Variants in SEL1L2 observed in about 807,000 individuals in gnomAD.
The protein encoded by SEL1L2 is protein sel-1 homolog 2.
A neutral mutation model predicts 98.8 loss-of-function variants in SEL1L2; 89 were observed. The ratio of observed to expected loss-of-function variants is 0.90; its 90% confidence interval spans 0.76 to 1.07. The LOEUF (loss-of-function observed/expected upper bound fraction) is 1.07, where lower values mean the gene tolerates loss of function less well. Ranked by LOEUF, SEL1L2 falls within the 50% of genes least tolerant of loss-of-function variation. SEL1L2 has a pLI of 0.00. For missense variants in SEL1L2, 788 were observed against 812.0 expected (o/e 0.97, Z 0.36); for synonymous variants, 262 against 278.5 (o/e 0.94, Z 0.59).
At chr20:13,855,656 C>CCTT (rs1272836605) in intron 18 of SEL1L2, among the ~76,000 whole-genome samples, 2 of 152,222 alleles carry the variant, frequency 1.3e-5, no homozygotes, top group Non-Finnish European at 2.9e-5. Context: ...GGGCCAAACT[C>CCTT]CTTCCATCAC....
rs201053413 is a variant in SEL1L2 at position 13,946,152 on chromosome 20, G to A, written c.114+9924C>T. Among the ~76,000 whole-genome samples the A allele has an allele frequency of 3.9e-5, 6 of 151,914 alleles. No homozygotes were observed. In the East Asian group the frequency reaches 1.2e-3, roughly 29 times the overall value. Reference sequence around the variant, plus strand: ...CAATTAGGAAATAAATTTATCTAGGGAAAAGTTATAAAAAAAAAGTTATCC... The same window carrying A: ...CAATTAGGAAATAAATTTATCTAGGAAAAAGTTATAAAAAAAAAGTTATCC... On this transcript the variant is annotated intron_variant, in intron 2 of 19. Coordinates refer to ENST00000284951, the MANE Select transcript of SEL1L2 (RefSeq NM_025229.2).
chr20:13,854,664 T>G (rs1224427217), intron 18 of SEL1L2, among the ~76,000 whole-genome samples: 2 of 152,168 alleles, frequency 1.3e-5, no homozygotes, highest in Non-Finnish European at 1.5e-5. Context: ...CTTCCTGATA[T>G]AGGAAATAGT....
chr20:13,990,565 C>CA lies in SEL1L2; in HGVS notation c.-32dup. On this transcript the variant is annotated 5_prime_UTR_variant, in exon 1 of 20. Transcript: ENST00000284951. ...CTTAAGCAGCTTCTCTTCACTGTAACACAGGCAGAAACTAGGTGATTGGCC... is the reference window on the plus strand; with the variant it reads ...CTTAAGCAGCTTCTCTTCACTGTAACAACAGGCAGAAACTAGGTGATTGGCC... 6.4e-7 allele frequency: 1 copy of CA among 1,570,454 alleles called. No homozygotes were observed. The highest frequency in any genetic ancestry group is 1.1e-5 in the South Asian group (1 of 89,200).
upstream of SEL1L2, among the ~76,000 whole-genome samples, chr20:13,992,708 G>A (rs2052567946): frequency 1.3e-5 from 2 of 152,106 alleles, no homozygotes; most frequent in Admixed American, 6.5e-5. Flanking sequence ...TAGACTGGGT[G>A]ACTTTACACA....
At chr20:13,953,749 T>A (rs1278075798) in intron 2 of SEL1L2, among the ~76,000 whole-genome samples, 3 of 152,190 alleles carry the variant, frequency 2.0e-5, no homozygotes, top group African/African-American at 4.8e-5. Context: ...TTTCACCCAA[T>A]AAACCCTGCC....
chr20:13,955,961 T>C lies in SEL1L2; in HGVS notation c.114+115A>G. ...TGAATGAATGAAAGAATAATATTGA[T>C]TGAGAATTAAAAAAAAAAGAGACAA... On this transcript the variant is annotated intron_variant, in intron 2 of 19. Transcript: ENST00000284951. The C allele has an allele frequency of 1.4e-5, 9 of 650,280 alleles. No homozygotes were observed. In the South Asian group the frequency reaches 1.6e-4, roughly 11 times the overall value. 40.3% of individuals were successfully genotyped at this position (650,280 alleles called of 1,614,324 possible).
chr20:13,951,639 GT>G (rs1356565989), intron 2 of SEL1L2, among the ~76,000 whole-genome samples: 1 of 133,232 alleles, frequency 7.5e-6, no homozygotes, highest in East Asian at 2.3e-4. Context: ...TCTAGCCTAT[GT>G]AGAAATAGTG....
At chr20:13,942,520 G>T (rs2049825750) in intron 2 of SEL1L2, among the ~76,000 whole-genome samples, 1 of 152,134 alleles carries the variant, frequency 6.6e-6, no homozygotes, top group Non-Finnish European at 1.5e-5. Flanking sequence ...GATTTAACAA[G>T]TCCTCCAGGT....
At chr20:13,990,043 G>A (rs2052464134) in intron 1 of SEL1L2, among the ~76,000 whole-genome samples, 1 of 152,140 alleles carries the variant, frequency 6.6e-6, no homozygotes, top group Non-Finnish European at 1.5e-5. Context: ...TGAAACTTTG[G>A]AAGTGAAATT....
intron 19 of SEL1L2, 41 bp downstream of exon 19, chr20:13,850,150 G>C (rs1318610143): frequency 6.2e-7 from 1 of 1,611,000 alleles, no homozygotes; most frequent in South Asian, 1.1e-5. Flanking sequence ...TTGCTCACTG[G>C]AGACTTTCAG....
At chr20:13,918,208 T>G (rs1377356946) in intron 4 of SEL1L2, among the ~76,000 whole-genome samples, 1 of 152,224 alleles carries the variant, frequency 6.6e-6, no homozygotes, top group African/African-American at 2.4e-5. Context: ...TCCTGGTTAC[T>G]AAGTGTCAGG....
chr20:13,956,968 C>T (rs1371484499), intron 1 of SEL1L2, among the ~76,000 whole-genome samples: 2 of 152,046 alleles, frequency 1.3e-5, no homozygotes, highest in East Asian at 3.8e-4. Flanking sequence ...ATTTCACAGG[C>T]TGAAGAATTT....
At chr20:13,950,063 A>G (rs1052159686) in intron 2 of SEL1L2, among the ~76,000 whole-genome samples, 2 of 152,360 alleles carry the variant, frequency 1.3e-5, no homozygotes, top group Non-Finnish European at 2.9e-5. Context: ...AAGTGAAATA[A>G]GTCAACTATT....
intron 2 of SEL1L2, among the ~76,000 whole-genome samples, chr20:13,952,733 T>A (rs2050330340): frequency 7.0e-6 from 1 of 143,098 alleles, no homozygotes; most frequent in Non-Finnish European, 1.5e-5. Context: ...ACTCCTTTTT[T>A]AAAAAAGCCT....
At chr20:13,900,029 A>T (rs1476817077) in intron 5 of SEL1L2, among the ~76,000 whole-genome samples, 1 of 152,116 alleles carries the variant, frequency 6.6e-6, no homozygotes, top group Non-Finnish European at 1.5e-5. Context: ...TTTAAAAATG[A>T]TTTACATAAT....
At chr20:13,889,375 G>A (rs1190403762) in intron 5 of SEL1L2, among the ~76,000 whole-genome samples, 3 of 152,142 alleles carry the variant, frequency 2.0e-5, no homozygotes, top group African/African-American at 4.8e-5. Context: ...ATAGTGGGAG[G>A]TTTGTGTAAT....
At chr20:13,865,143 C>T (rs1387732714) in intron 17 of SEL1L2, 24 bp downstream of exon 17, 2 of 1,592,198 alleles carry the variant, frequency 1.3e-6, no homozygotes, top group Non-Finnish European at 1.7e-6. Context: ...CGGGTATGTG[C>T]TTATTTTTAT....
intron 1 of SEL1L2, among the ~76,000 whole-genome samples, chr20:13,970,361 T>C (rs1384965920): frequency 1.3e-5 from 2 of 152,230 alleles, no homozygotes; most frequent in Non-Finnish European, 2.9e-5. Flanking sequence ...CTGTAAGGGA[T>C]AACCTTGAAC....
At chr20:13,888,885 A>C (rs1200432969) in intron 5 of SEL1L2, among the ~76,000 whole-genome samples, 2 of 145,962 alleles carry the variant, frequency 1.4e-5, no homozygotes, top group African/African-American at 5.1e-5. Context: ...TGACCTCGTG[A>C]TCTACCCGCC....
Sources: allele counts gnomAD v4.1 joint callset (sites outside exome capture counted in the v4.1 genomes callset), GRCh38; gene constraint gnomAD v4.1.1; transcripts MANE v1.5; gene names NCBI Gene and HGNC (gene_info 2026-07-23, HGNC 2026-07-21).